Variants in FBXW8 observed in about 807,000 individuals in gnomAD.
The protein encoded by FBXW8 is F-box/WD repeat-containing protein 8.
Under a neutral mutation model 65.3 loss-of-function variants are expected in FBXW8, and 57 were observed. The observed-to-expected ratio is 0.87, with a 90% confidence interval of 0.71 to 1.09. FBXW8 has a LOEUF of 1.09. Ranked by LOEUF, FBXW8 falls within the 50% of genes least tolerant of loss-of-function variation. The pLI is 0.00. For synonymous variants in FBXW8, 308 were observed against 330.2 expected (o/e 0.93, Z 0.73); for missense variants, 777 against 814.8 (o/e 0.95, Z 0.57).
At chr12:116,986,811 G>A (rs1215790575) in intron 6 of FBXW8, 1 of 152,176 alleles carries the variant, frequency 6.6e-6, no homozygotes, top group East Asian at 1.9e-4. Flanking sequence ...CCCAGCAAAT[G>A]GCACCACCAC....
intron 10 of FBXW8, 21 bp downstream of exon 10, chr12:117,027,525 A>G: frequency 6.3e-7 from 1 of 1,586,438 alleles, no homozygotes; most frequent in African/African-American, 1.3e-5. Flanking sequence ...GGGCCGGGCG[A>G]GTAAGAGACC....
intron 8 of FBXW8, among the ~76,000 whole-genome samples, chr12:117,011,550 C>G (rs1189741193): frequency 6.6e-6 from 1 of 152,166 alleles, no homozygotes; most frequent in African/African-American, 2.4e-5. Context: ...TCTTTAGAAA[C>G]TAGGCTTGAT....
intron 2 of FBXW8, among the ~76,000 whole-genome samples, chr12:116,939,016 A>G (rs1246548413): frequency 6.6e-6 from 1 of 152,174 alleles, no homozygotes; most frequent in Non-Finnish European, 1.5e-5. Flanking sequence ...TGCCCAGTAC[A>G]TGGTTAGTGC....
In FBXW8 at chr12:116,936,271, A is replaced by G. The variant is rs1343198759; in HGVS notation, c.423+8144A>G. On this transcript the variant is annotated intron_variant, in intron 2 of 10. Transcript: ENST00000652555. This position sits in a 1 kb window ranked among gnomAD's most constrained non-coding sequence, Gnocchi z 4.6. The stretch of plus-strand genomic sequence containing the variant: ...GGCAGACACAGCTGAAGCTCATCTG[A>G]GGCAGGGTGCGCCTGTTGTGTTTGA... 6.6e-6 allele frequency among the ~76,000 whole-genome samples: 1 copy of G among 152,196 alleles called. No individual in the cohort carries two copies. Among genetic ancestry groups the G allele is most frequent in the Non-Finnish European group, 1.5e-5 (1 of 68,030 alleles).
Position 116,911,372 on chromosome 12 carries a change from T to TGCCCCCCCCC in FBXW8, c.318+17_318+18insGCCCCCCCCC. On this transcript the variant is annotated intron_variant, in intron 1 of 10. Transcript: ENST00000652555. ...CGCGACCTGGTGAGTGGCCGTCGCC[T>TGCCCCCCCCC]CCCCCCCGCCCATGCCTGCGCCGGC... 2 of 1,237,218 alleles carry TGCCCCCCCCC rather than the reference T, an allele frequency of 1.6e-6. No homozygotes were observed. The highest frequency in any genetic ancestry group is 1.0e-6 in the Non-Finnish European group (1 of 988,488). The allele number at this position is 1,237,218 out of a possible 1,614,324, so 76.6% of individuals were successfully genotyped here.
At chr12:116,982,379 C>T (rs1885362582) in intron 5 of FBXW8, among the ~76,000 whole-genome samples, 1 of 152,092 alleles carries the variant, frequency 6.6e-6, no homozygotes, top group Non-Finnish European at 1.5e-5. Flanking sequence ...ACTATAGTAA[C>T]CAGGGATACC....
intron 5 of FBXW8, among the ~76,000 whole-genome samples, chr12:116,982,244 A>C (rs1023886515): frequency 1.1e-4 from 16 of 152,356 alleles, no homozygotes; most frequent in Non-Finnish European, 2.1e-4. Context: ...AAGACCAACT[A>C]CATGCTGTCT....
Position 116,985,352 on chromosome 12 carries a change from A to C in FBXW8, c.982A>C (p.Asn328His), listed in dbSNP as rs1239234869. Residue 328 changes from asparagine (N) to histidine (H), a missense_variant, in exon 6 of 11, where the codon AAT (asparagine) becomes CAT (histidine). Coordinates refer to ENST00000652555, the MANE Select transcript of FBXW8 (RefSeq NM_153348.3). Reference protein sequence around the residue: ...SAFDVVMLSPNEEGYWQIAAE... With the variant: ...SAFDVVMLSPHEEGYWQIAAE... ...TTTTGATGTCGTGATGTTATCCCCC[A>C]ATGAGGAGGGGTACTGGCAGATAGC... 1.2e-6 allele frequency: 2 copies of C among 1,614,000 alleles called. No homozygotes were observed. Among genetic ancestry groups the C allele is most frequent in the African/African-American group, 2.7e-5 (2 of 74,914 alleles).
chr12:116,942,313 T>TTTATTCTTTTTTTTCCC (rs1310462686), intron 2 of FBXW8, among the ~76,000 whole-genome samples: 1 of 151,748 alleles, frequency 6.6e-6, no homozygotes, highest in African/African-American at 2.4e-5. Context: ...TTTTTTTTCC[T>TTTATTCTTTTTTTTCCC]TTATTCTTTT....
chr12:116,949,625 A>G lies in FBXW8; in HGVS notation c.596A>G (p.Lys199Arg), dbSNP rs1170657125. 1 of 1,614,192 alleles carries G rather than the reference A, an allele frequency of 6.2e-7. No homozygotes were observed. Among genetic ancestry groups the G allele is most frequent in the Non-Finnish European group, 8.5e-7 (1 of 1,180,028 alleles). ...CCCCTTTTCCTCACGCAGAATCGCAAAGGTGCCGTGAGCGAGCTGGAGCAT... is the reference window on the plus strand; with the variant it reads ...CCCCTTTTCCTCACGCAGAATCGCAGAGGTGCCGTGAGCGAGCTGGAGCAT... ...HMLRTNWKNR[K>R]GAVSELEHVP... Residue 199 changes from lysine to arginine, a missense_variant, in exon 4 of 11, where the codon AAA becomes AGA. Transcript: ENST00000652555.
chr12:116,983,444 G>C (rs554946496), intron 5 of FBXW8, among the ~76,000 whole-genome samples: 4 of 152,274 alleles, frequency 2.6e-5, no homozygotes, highest in Admixed American at 1.3e-4. Flanking sequence ...CTTGAAGAAG[G>C]CTCTGCTTTT....
At chr12:116,950,515 G>A (rs1883206143) in intron 4 of FBXW8, 1 of 152,144 alleles carries the variant, frequency 6.6e-6, no homozygotes. Flanking sequence ...TAGTAGAGGA[G>A]TCCTTTTCTT....
chr12:116,945,093 G>A (rs1283602535), intron 2 of FBXW8, among the ~76,000 whole-genome samples: 1 of 152,152 alleles, frequency 6.6e-6, no homozygotes, highest in Admixed American at 6.5e-5. Context: ...TTATGTATTT[G>A]TGTATTTTCT....
In FBXW8 at chr12:116,911,137, A is replaced by G. The variant is rs1297092130; in HGVS notation, c.100A>G (p.Arg34Gly). Reference protein sequence around the residue: ...KKRRRPEAAERRARRPEVGSG... With the variant: ...KKRRRPEAAEGRARRPEVGSG... ...GCGGCGACGGCCCGAGGCTGCCGAG[A>G]GGCGGGCTCGGCGGCCGGAGGTGGG... Residue 34 changes from arginine to glycine, a missense_variant, in exon 1 of 11, where the codon AGG becomes GGG. Transcript: ENST00000652555. 2 of 1,358,090 alleles carry G rather than the reference A, an allele frequency of 1.5e-6. No individual in the cohort carries two copies. Among genetic ancestry groups the G allele is most frequent in the Non-Finnish European group, 1.9e-6 (2 of 1,064,726 alleles). The allele number at this position is 1,358,090 out of a possible 1,614,324, so 84.1% of individuals were successfully genotyped here.
chr12:116,981,219 A>C (rs893409354), intron 5 of FBXW8, among the ~76,000 whole-genome samples: 1 of 152,222 alleles, frequency 6.6e-6, no homozygotes, highest in Non-Finnish European at 1.5e-5. Context: ...TGATAAATTG[A>C]CCATTTATAA....
At chr12:117,024,515 C>T (rs1320707043) in intron 9 of FBXW8, among the ~76,000 whole-genome samples, 195 bp downstream of exon 9, 1 of 152,238 alleles carries the variant, frequency 6.6e-6, no homozygotes, top group East Asian at 1.9e-4. Context: ...GGAAATGGCG[C>T]TGGTCAGTGG....
intron 2 of FBXW8, among the ~76,000 whole-genome samples, chr12:116,943,602 G>C (rs1051822254): frequency 6.6e-6 from 1 of 152,170 alleles, no homozygotes; most frequent in Admixed American, 6.5e-5. Context: ...TTACAGCTCT[G>C]CCTTAGCCTT....
At chr12:117,003,610 G>A (rs959180085) in intron 7 of FBXW8, among the ~76,000 whole-genome samples, 10 of 152,188 alleles carry the variant, frequency 6.6e-5, no homozygotes, top group African/African-American at 2.4e-4. Context: ...GCATTCTTTA[G>A]AAGTTTCTTT....
chr12:117,021,911 GGTTTTTC>G (rs1317414173), intron 8 of FBXW8, among the ~76,000 whole-genome samples: 2 of 152,164 alleles, frequency 1.3e-5, no homozygotes, highest in Non-Finnish European at 2.9e-5. Flanking sequence ...GTGACTGCCT[GGTTTTTC>G]GTTGATTCCC....
Sources: gnomAD v4.1 joint callset for allele counts (sites outside exome capture counted in the v4.1 genomes callset) on GRCh38, gnomAD v4.1.1 for gene constraint, Gnocchi (gnomAD v3.1) non-coding constraint, MANE v1.5 for transcripts, NCBI Gene and HGNC (gene_info 2026-07-23, HGNC 2026-07-21) for gene names.